PHKA1: variants seen among roughly 807,000 people sequenced by gnomAD.
PHKA1 encodes phosphorylase b kinase regulatory subunit alpha, skeletal muscle isoform.
Under a neutral mutation model 110.2 loss-of-function variants are expected in PHKA1, and 60 were observed. The observed-to-expected ratio is 0.54, with a 90% confidence interval of 0.44 to 0.68. The LOEUF (loss-of-function observed/expected upper bound fraction) is 0.68, where lower values mean the gene tolerates loss of function less well. PHKA1 is among the 30% of genes least tolerant of loss of function. The probability of loss-of-function intolerance (pLI) is 0.00; values close to 1 mark genes in which losing one functional copy is unlikely to be tolerated. For synonymous variants in PHKA1, 316 were observed against 333.6 expected, an observed-to-expected ratio of 0.95 and a Z score of 0.58; for missense variants, 801 against 942.5, an observed-to-expected ratio of 0.85 and a Z score of 1.97.
Position 72,614,931 on chromosome X carries a change from G to A in PHKA1, c.2370-3747C>T, listed in dbSNP as rs781885054. Among the ~76,000 whole-genome samples the A allele has an allele frequency of 9.2e-5, 10 of 108,329 alleles. No individual in the cohort carries two copies. The East Asian group carries it at 2.6e-3, about 28-fold the overall frequency. 94.1% of individuals were successfully genotyped at this position (108,329 alleles called of 115,157 possible). A position where few individuals can be genotyped will look rare whatever the true frequency, so the allele number is the denominator to read the frequency against. The stretch of plus-strand genomic sequence containing the variant: ...ATGTTCAATAGGAAGATATATATTT[G>A]AAAATAAATTCTACTCCAAATAAGA... On this transcript the variant is annotated intron_variant, in intron 21 of 31. Transcript: ENST00000373542.
At position 72,579,914 on chromosome X, in the gene PHKA1, G is replaced by A. The variant is rs1471753591; in HGVS notation, c.*1088C>T. 1 of 111,722 alleles carries A rather than the reference G, an allele frequency of 9.0e-6. No homozygotes were observed. Among genetic ancestry groups the A allele is most frequent in the Non-Finnish European group, 1.9e-5 (1 of 53,160 alleles). The allele number at this position is 111,722 out of a possible 1,213,427, so 9.2% of individuals were successfully genotyped here. On this transcript the variant is annotated 3_prime_UTR_variant, in exon 32 of 32. Coordinates refer to ENST00000373542, the MANE Select transcript of PHKA1 (RefSeq NM_002637.4). ...GGATAGGGTGTCAGGGAGTTGAGTT[G>A]GATGTAGTAGAAAGTAGGTGAGTGA... is the stretch of plus-strand genomic sequence containing the variant.
At chrX:72,636,892 T>A (rs2053237514) in intron 14 of PHKA1, among the ~76,000 whole-genome samples, 1 of 111,706 alleles carries the variant, frequency 9.0e-6, no homozygotes, top group South Asian at 3.7e-4. Context: ...TATGCCAGTT[T>A]TAGTGTTGCT....
chrX:72,706,743 C>T (rs533603314), intron 2 of PHKA1, among the ~76,000 whole-genome samples: 33 of 111,540 alleles, frequency 3.0e-4, no homozygotes, highest in African/African-American at 9.8e-4. Context: ...CACTATTTTA[C>T]TGCCTTAGTC....
intron 3 of PHKA1, among the ~76,000 whole-genome samples, chrX:72,702,764 G>T (rs191920617): frequency 9.0e-6 from 1 of 111,707 alleles, no homozygotes; most frequent in East Asian, 2.8e-4. Context: ...AAACAAAGGT[G>T]GGGGGATGTG....
rs191679851 is a variant in PHKA1 at position 72,710,004 on chromosome X, C to T, written c.237+2775G>A. 7.0e-4 allele frequency among the ~76,000 whole-genome samples: 69 copies of T among 99,234 alleles called. 1 individual carries two copies. The highest frequency in any genetic ancestry group is 2.2e-3 in the African/African-American group (57 of 26,427). 86.2% of individuals were successfully genotyped at this position (99,234 alleles called of 115,157 possible). A position where few individuals can be genotyped will look rare whatever the true frequency, so the allele number is the denominator to read the frequency against. Reference sequence around the variant, plus strand: ...TCGCAGTGAGCCGAGATCGCACCGCCGCACTCCAACCTGGGCAATAGAGCA... The same window carrying T: ...TCGCAGTGAGCCGAGATCGCACCGCTGCACTCCAACCTGGGCAATAGAGCA... On this transcript the variant is annotated intron_variant, in intron 2 of 31. Coordinates refer to ENST00000373542, the MANE Select transcript of PHKA1 (RefSeq NM_002637.4).
intron 5 of PHKA1, among the ~76,000 whole-genome samples, chrX:72,682,511 A>G (rs1459594071): frequency 6.0e-3 from 640 of 107,332 alleles, no homozygotes; most frequent in African/African-American, 0.022. Context: ...AAGATTGAGA[A>G]ATCGGATGGT....
In PHKA1 at chrX:72,695,862, T is replaced by C. The variant is rs1556327127; in HGVS notation, c.300A>G (p.Glu100=). ...HCMIRQVDKV[E]SFKYSQSTKD... ...TAGTACTCTGACTATATTTGAAGGA[T>C]TCTACTTTATCCACCTGAAAAGAAC... Residue 100 remains glutamate (E), a synonymous_variant, in exon 4 of 32, where the codon GAA becomes GAG. Transcript: ENST00000373542. 7 of 1,207,902 alleles carry C rather than the reference T, an allele frequency of 5.8e-6. No homozygotes were observed. The highest frequency in any genetic ancestry group is 7.8e-6 in the Non-Finnish European group (7 of 892,069).
Position 72,676,577 on chromosome X carries a change from G to T in PHKA1, c.538-427C>A, listed in dbSNP as rs572170747. ...GACAACGTACCATGCACTAATTTACGCATTTTACATTATCTTTCTTAATCC... is the reference window on the plus strand; with the variant it reads ...GACAACGTACCATGCACTAATTTACTCATTTTACATTATCTTTCTTAATCC... On this transcript the variant is annotated intron_variant, in intron 5 of 31. Coordinates refer to ENST00000373542, the MANE Select transcript of PHKA1 (RefSeq NM_002637.4). Among the ~76,000 whole-genome samples, 7 of 111,428 alleles carry T rather than the reference G, an allele frequency of 6.3e-5. No homozygotes were observed. The South Asian group carries it at 2.7e-3, about 42-fold the overall frequency.
chrX:72,655,969 ACT>A lies in PHKA1; in HGVS notation c.1041+149_1041+150del, dbSNP rs2053492384. On this transcript the variant is annotated intron_variant, in intron 10 of 31. Coordinates refer to ENST00000373542, the MANE Select transcript of PHKA1 (RefSeq NM_002637.4). ...AGAAAAAAATAATCCAGGTCTTTTT[ACT>A]CTTAGTGCCCTCAACTAGTAGCCTG... is the stretch of plus-strand genomic sequence containing the variant. 1.1e-5 allele frequency: 7 copies of A among 635,033 alleles called. No homozygotes were observed. The South Asian group carries it at 1.8e-4, about 16-fold the overall frequency. The allele number at this position is 635,033 out of a possible 1,213,427, so 52.3% of individuals were successfully genotyped here.
chrX:72,650,005 A>T (rs1603263631), intron 13 of PHKA1, among the ~76,000 whole-genome samples: 2 of 109,906 alleles, frequency 1.8e-5, no homozygotes, highest in African/African-American at 6.6e-5. Context: ...AAAAAAAAAA[A>T]ATACTAAGCG....
chrX:72,635,110 C>T lies in PHKA1; in HGVS notation c.1714+45G>A, dbSNP rs1335090186. The stretch of plus-strand genomic sequence containing the variant: ...AGATGTTGAAGGGCTAAATCTATGA[C>T]TTATTTCCAAAATACATTCGTTCCT... On this transcript the variant is annotated intron_variant, in intron 16 of 31. Coordinates refer to ENST00000373542, the MANE Select transcript of PHKA1 (RefSeq NM_002637.4). The T allele has an allele frequency of 5.0e-6, 6 of 1,201,360 alleles. No individual in the cohort carries two copies. In the South Asian group the frequency reaches 5.3e-5, roughly 11 times the overall value.
chrX:72,687,542 A>AT (rs1400691122), intron 4 of PHKA1, among the ~76,000 whole-genome samples: 1 of 110,601 alleles, frequency 9.0e-6, no homozygotes, highest in East Asian at 2.8e-4. Context: ...CTTCCTTCCC[A>AT]TATCTTGAAA....
rs1464680761 is a variant in PHKA1, at chrX:72,580,378, G to A, written c.*624C>T. 8.9e-6 allele frequency: 1 copy of A among 112,334 alleles called. No homozygotes were observed. The highest frequency in any genetic ancestry group is 1.9e-5 in the Non-Finnish European group (1 of 53,556). 9.3% of individuals were successfully genotyped at this position (112,334 alleles called of 1,213,427 possible). ...GCATTATGTGTGCAGACACAGAGAG[G>A]GCAACAGTAGAGACAATGATTCTAC... is the stretch of plus-strand genomic sequence containing the variant. On this transcript the variant is annotated 3_prime_UTR_variant, in exon 32 of 32. Coordinates refer to ENST00000373542, the MANE Select transcript of PHKA1 (RefSeq NM_002637.4).
chrX:72,639,830 T>C (rs2053275482), intron 14 of PHKA1, among the ~76,000 whole-genome samples: 1 of 111,711 alleles, frequency 9.0e-6, no homozygotes, highest in Admixed American at 9.5e-5. Context: ...AATATAGTAC[T>C]AGGAAAGAAG....
chrX:72,620,975 A>G lies in PHKA1; in HGVS notation c.1961-74T>C, dbSNP rs2052971162. 2 of 1,066,802 alleles carry G rather than the reference A, an allele frequency of 1.9e-6. 1 individual carries two copies. Among genetic ancestry groups the G allele is most frequent in the South Asian group, 4.1e-5 (2 of 48,907 alleles). The allele number at this position is 1,066,802 out of a possible 1,213,427, so 87.9% of individuals were successfully genotyped here. A position where few individuals can be genotyped will look rare whatever the true frequency, so the allele number is the denominator to read the frequency against. On this transcript the variant is annotated intron_variant, in intron 18 of 31. Transcript: ENST00000373542. ...TAGTTACTTTACAATCTACCCCAGC[A>G]AAGAGAATGATTGGCTCCTGTGCTC... is the stretch of plus-strand genomic sequence containing the variant.
At chrX:72,595,862 C>T (rs1355801576) in intron 28 of PHKA1, among the ~76,000 whole-genome samples, 2 of 111,646 alleles carry the variant, frequency 1.8e-5, no homozygotes, top group African/African-American at 6.5e-5. Context: ...TAAAATGCTG[C>T]AGCCGCTATG....
chrX:72,617,893 C>T (rs1265174908), intron 21 of PHKA1, among the ~76,000 whole-genome samples: 5 of 109,331 alleles, frequency 4.6e-5, no homozygotes, highest in African/African-American at 1.7e-4. Context: ...TTTTATGAGG[C>T]CAGCATTACC....
At chrX:72,702,630 G>T (rs782613765) in intron 3 of PHKA1, among the ~76,000 whole-genome samples, 106 of 111,329 alleles carry the variant, frequency 9.5e-4, no homozygotes, top group Non-Finnish European at 1.9e-3. Context: ...TTCACAACCT[G>T]CTAAAAATGA....
At chrX:72,655,866 C>T (rs1214204928) in intron 10 of PHKA1, among the ~76,000 whole-genome samples, 4 of 112,179 alleles carry the variant, frequency 3.6e-5, no homozygotes, top group African/African-American at 6.5e-5. Flanking sequence ...GTGATCCGCC[C>T]GCCTCGGCCT....
Sources: allele counts gnomAD v4.1 joint callset (sites outside exome capture counted in the v4.1 genomes callset), GRCh38; gene constraint gnomAD v4.1.1; transcripts MANE v1.5; gene names NCBI Gene and HGNC (gene_info 2026-07-23, HGNC 2026-07-21).